HERC2: variants seen among roughly 807,000 people sequenced by gnomAD.
The protein encoded by HERC2 is E3 ubiquitin-protein ligase HERC2.
HERC2 carries 102 observed loss-of-function variants against 537.7 expected under a neutral mutation model. That is an observed-to-expected ratio of 0.19 (90% CI 0.16 to 0.22). HERC2 has a LOEUF of 0.22. Among genes scored for constraint, HERC2 ranks in the 10% least tolerant of loss-of-function variants. The probability of loss-of-function intolerance (pLI) is 1.00; values close to 1 mark genes in which losing one functional copy is unlikely to be tolerated. For synonymous variants in HERC2, 2,224 were observed against 2,466.2 expected, an observed-to-expected ratio of 0.90 and a Z score of 2.91; for missense variants, 4,236 against 6,198.2, an observed-to-expected ratio of 0.68 and a Z score of 10.63.
At chr15:28,242,117 C>A (rs1015856346) in intron 23 of HERC2, among the ~76,000 whole-genome samples, 1 of 152,094 alleles carries the variant, frequency 6.6e-6, no homozygotes, top group African/African-American at 2.4e-5. Context: ...CTGGAGTAGT[C>A]AAATTCAGAC....
In HERC2 at chr15:28,196,358, T is replaced by C. The variant is rs1392512502; in HGVS notation, c.8121-4A>G. ...AAACATCTGACATCCATCACACCTA[T>C]TTGTAAAATAGCAACTGAGTTAAGA... On this transcript the variant is annotated splice_polypyrimidine_tract_variant and splice_region_variant and intron_variant, in intron 51 of 92. Transcript: ENST00000261609. 2.3e-6 allele frequency: 3 copies of C among 1,322,654 alleles called. No homozygotes were observed. Among genetic ancestry groups the C allele is most frequent in the African/African-American group, 1.5e-5 (1 of 68,124 alleles). The allele number at this position is 1,322,654 out of a possible 1,614,324, so 81.9% of individuals were successfully genotyped here.
intron 65 of HERC2, among the ~76,000 whole-genome samples, chr15:28,170,078 CAGA>C (rs1176591746): frequency 6.6e-6 from 1 of 152,198 alleles, no homozygotes. Context: ...CAGGTCTCAG[CAGA>C]AGGAGGGAGC....
Position 28,198,589 on chromosome 15 carries a change from G to A in HERC2, c.7885+12C>T, listed in dbSNP as rs1460881258. ...AGAAAAAACAAAAGCACTGAACAAAGAATGTGCTCACCTATAAGTTCCACA... is the reference window on the plus strand; with the variant it reads ...AGAAAAAACAAAAGCACTGAACAAAAAATGTGCTCACCTATAAGTTCCACA... On this transcript the variant is annotated intron_variant, in intron 49 of 92. Transcript: ENST00000261609. The A allele has an allele frequency of 6.2e-7, 1 of 1,610,768 alleles. No homozygotes were observed. Among genetic ancestry groups the A allele is most frequent in the East Asian group, 2.2e-5 (1 of 44,832 alleles).
intron 69 of HERC2, among the ~76,000 whole-genome samples, chr15:28,157,605 T>C (rs1216023259): frequency 6.6e-6 from 1 of 152,220 alleles, no homozygotes; most frequent in East Asian, 1.9e-4. Context: ...CTTTATCATT[T>C]TTTATTGCAT....
chr15:28,262,343 T>A (rs1567086780), intron 15 of HERC2, among the ~76,000 whole-genome samples: 1 of 152,120 alleles, frequency 6.6e-6, no homozygotes, highest in Non-Finnish European at 1.5e-5. Flanking sequence ...TTGCAGAGAC[T>A]CCCATCCTCT....
In HERC2 at chr15:28,176,287, A is replaced by G; in HGVS notation, c.9686+141T>C. On this transcript the variant is annotated intron_variant, in intron 63 of 92. Transcript: ENST00000261609. This position sits in a 1 kb window ranked among gnomAD's most constrained non-coding sequence, Gnocchi z 5.0. ...CTATTGTCACTAATCCCAACTCAATATCCTTTAAAGGACAAAGATGCATGC... is the reference window on the plus strand; with the variant it reads ...CTATTGTCACTAATCCCAACTCAATGTCCTTTAAAGGACAAAGATGCATGC... The G allele has an allele frequency of 1.5e-6, 1 of 666,660 alleles. No individual in the cohort carries two copies. The highest frequency in any genetic ancestry group is 4.0e-4 in the Middle Eastern group (1 of 2,506). The allele number at this position is 666,660 out of a possible 1,614,324, so 41.3% of individuals were successfully genotyped here.
intron 30 of HERC2, among the ~76,000 whole-genome samples, chr15:28,232,589 GTTTA>G (rs976112664): frequency 4.6e-5 from 7 of 151,242 alleles, no homozygotes; most frequent in Non-Finnish European, 7.4e-5. Flanking sequence ...AATTTCTGTA[GTTTA>G]TTTATAATCA....
intron 15 of HERC2, 142 bp downstream of exon 15, chr15:28,262,776 G>C: frequency 1.2e-6 from 1 of 840,552 alleles, no homozygotes; most frequent in South Asian, 1.8e-5. Context: ...TCTAATGACA[G>C]TCCATTCATG....
At position 28,292,922 on chromosome 15, in the gene HERC2, T is replaced by G. The variant is rs748478259; in HGVS notation, c.288A>C (p.Ser96=). The G allele has an allele frequency of 1.2e-6, 2 of 1,610,994 alleles. No individual in the cohort carries two copies. The highest frequency in any genetic ancestry group is 2.2e-5 in the South Asian group (2 of 90,514). The change falls in exon 4 of 93, where the codon TCA becomes TCC. Residue 96 remains serine (S), a synonymous_variant. Coordinates refer to ENST00000261609, the MANE Select transcript of HERC2 (RefSeq NM_004667.6). The part of the protein sequence containing the change: ...ETPAPIYRAK[S]ILDSWVWGKQ... ...TGCCCCATACCCAGCTGTCCAGAAT[T>G]GACTTGGCCCTATATATAGGTGCAG...
chr15:28,266,064 A>C (rs2075559331), intron 12 of HERC2, 90 bp from the exon 13 acceptor site: 1 of 1,390,404 alleles, frequency 7.2e-7, no homozygotes, highest in Admixed American at 2.0e-5. Flanking sequence ...ATCCAAATTT[A>C]GACCAGCATA....
chr15:28,299,781 G>T (rs1017246316), intron 2 of HERC2, among the ~76,000 whole-genome samples: 3 of 152,128 alleles, frequency 2.0e-5, no homozygotes, highest in African/African-American at 7.2e-5. Flanking sequence ...GTCGGGCGAG[G>T]TGGCTCATGC....
At chr15:28,228,480 G>T in intron 34 of HERC2, 71 bp from the exon 35 acceptor site, 1 of 1,390,288 alleles carries the variant, frequency 7.2e-7, no homozygotes, top group Non-Finnish European at 1.0e-6. Context: ...AGAAAGCACG[G>T]GCGATTACTC....
chr15:28,250,536 C>T (rs911083769), intron 20 of HERC2, among the ~76,000 whole-genome samples: 2 of 152,246 alleles, frequency 1.3e-5, no homozygotes, highest in Admixed American at 1.3e-4. Flanking sequence ...AAAAACTTCA[C>T]AGCGCTCTAT....
chr15:28,255,428 A>G (rs2075226996), intron 19 of HERC2, among the ~76,000 whole-genome samples: 1 of 152,256 alleles, frequency 6.6e-6, no homozygotes, highest in South Asian at 2.1e-4. Context: ...ATACTTCCCA[A>G]TAATAAAAAA....
chr15:28,133,763 T>C (rs1890337652), intron 79 of HERC2, among the ~76,000 whole-genome samples: 1 of 152,178 alleles, frequency 6.6e-6, no homozygotes, highest in African/African-American at 2.4e-5. Context: ...CTGTGAGAAG[T>C]CCAGTTTCAT....
intron 2 of HERC2, among the ~76,000 whole-genome samples, chr15:28,308,580 T>A (rs1482508741): frequency 6.6e-6 from 1 of 152,240 alleles, no homozygotes; most frequent in Admixed American, 6.5e-5. Context: ...GAACTTCCAG[T>A]ACTATGTTGA....
chr15:28,265,866 C>T lies in HERC2; in HGVS notation c.1707G>A (p.Glu569=), dbSNP rs1197169797. Reference sequence around the variant, plus strand: ...CGCGGCCCCAGGTGTACAGCTCCCCCTCGGCAGTGATGGCCGCACTGTAAG... The same window carrying T: ...CGCGGCCCCAGGTGTACAGCTCCCCTTCGGCAGTGATGGCCGCACTGTAAG... ...GSTYSAAITA[E]GELYTWGRGN... Residue 569 remains glutamate (E), a synonymous_variant, in exon 13 of 93, where the codon GAG becomes GAA. Coordinates refer to ENST00000261609, the MANE Select transcript of HERC2 (RefSeq NM_004667.6). The surrounding 1 kb of genome is among the most constrained non-coding windows in gnomAD (Gnocchi z 4.0). 1.2e-6 allele frequency: 2 copies of T among 1,614,086 alleles called. No individual in the cohort carries two copies. The highest frequency in any genetic ancestry group is 1.3e-5 in the African/African-American group (1 of 74,926).
Position 28,122,473 on chromosome 15 carries a change from C to A in HERC2, c.13189-1044G>T, listed in dbSNP as rs1012672949. 6.6e-6 allele frequency among the ~76,000 whole-genome samples: 1 copy of A among 152,158 alleles called. No homozygotes were observed. Among genetic ancestry groups the A allele is most frequent in the Non-Finnish European group, 1.5e-5 (1 of 68,006 alleles). ...GAAGGCAGGAGGTGAGGGCCCCAAG[C>A]GCCAGAGGAGACCCAGAAAGGGTAT... On this transcript the variant is annotated intron_variant, in intron 85 of 92. Coordinates refer to ENST00000261609, the MANE Select transcript of HERC2 (RefSeq NM_004667.6). This position sits in a 1 kb window ranked among gnomAD's most constrained non-coding sequence, Gnocchi z 4.1.
chr15:28,264,048 A>AC (rs1448238626), intron 14 of HERC2, among the ~76,000 whole-genome samples: 1 of 151,902 alleles, frequency 6.6e-6, no homozygotes, highest in Admixed American at 6.6e-5. Flanking sequence ...ACAAACAAAA[A>AC]CAAAAAAAAG....
Sources: allele counts gnomAD v4.1 joint callset (sites outside exome capture counted in the v4.1 genomes callset), GRCh38; gene constraint gnomAD v4.1.1; non-coding constraint Gnocchi (gnomAD v3.1); transcripts MANE v1.5; gene names NCBI Gene and HGNC (gene_info 2026-07-23, HGNC 2026-07-21).